The following NECAB3 variants were observed in gnomAD, a reference collection of about 807,000 sequenced individuals.
NECAB3 encodes N-terminal EF-hand calcium binding protein 3, also known as N-terminal EF-hand calcium-binding protein 3.
A neutral mutation model predicts 57.2 loss-of-function variants in NECAB3; 38 were observed. The observed-to-expected ratio is 0.66, with a 90% CI of 0.51 to 0.87. NECAB3 has a LOEUF of 0.87. NECAB3 is among the 40% of genes least tolerant of loss of function. The pLI is 0.00. For synonymous variants in NECAB3, 223 were observed against 222.6 expected, an observed-to-expected ratio of 1.00 and a Z score of -0.02; for missense variants, 474 against 527.5, an observed-to-expected ratio of 0.90 and a Z score of 0.99.
chr20:33,675,156 G>A (rs3213183), upstream of NECAB3: 44,143 of 151,806 alleles, frequency 0.29, 6,595 homozygotes, highest in East Asian at 0.37. Context: ...TCTGCTTGGT[G>A]TTTTCTTCCT....
At chr20:33,658,612 C>T (rs1227042845) in intron 9 of NECAB3, 58 bp from the exon 10 acceptor site, 14 of 1,605,646 alleles carry the variant, frequency 8.7e-6, no homozygotes, top group East Asian at 2.2e-5. Flanking sequence ...TCTGCCTCCC[C>T]GGCCTGGGGC....
At chr20:33,670,477 T>G in intron 3 of NECAB3, 1 of 453,098 alleles carries the variant, frequency 2.2e-6, no homozygotes, top group Non-Finnish European at 3.9e-6. Context: ...GACTTGGCTA[T>G]TTTGGGGTCC....
intron 5 of NECAB3, chr20:33,661,989 G>T: frequency 5.6e-6 from 1 of 177,626 alleles, no homozygotes; most frequent in South Asian, 1.2e-4. Context: ...AACCATAATT[G>T]ACCCCATTTT....
At chr20:33,673,453 A>C (rs544438828) in intron 1 of NECAB3, among the ~76,000 whole-genome samples, 66 of 152,276 alleles carry the variant, frequency 4.3e-4, no homozygotes, top group Non-Finnish European at 7.8e-4. Flanking sequence ...GGGAGTGGGC[A>C]GGGGTGCTAA....
chr20:33,667,567 G>A (rs1157709686), intron 5 of NECAB3: 3 of 1,554,390 alleles, frequency 1.9e-6, no homozygotes, highest in African/African-American at 2.7e-5. Flanking sequence ...GGAGGCGGGC[G>A]CGGGCGTGTG....
At chr20:33,661,071 G>A (rs1407209576) in intron 5 of NECAB3, among the ~76,000 whole-genome samples, 2 of 152,316 alleles carry the variant, frequency 1.3e-5, no homozygotes, top group East Asian at 3.9e-4. Flanking sequence ...AGTTCCTGGA[G>A]CTTCCATTTC....
At chr20:33,672,122 C>T (rs2017840329) in intron 2 of NECAB3, 2 of 534,984 alleles carry the variant, frequency 3.7e-6, no homozygotes, top group Non-Finnish European at 6.8e-6. Context: ...CAGAGGGCCA[C>T]GTACAGGAAG....
intron 5 of NECAB3, chr20:33,667,566 C>A: frequency 6.4e-7 from 1 of 1,554,200 alleles, no homozygotes; most frequent in Non-Finnish European, 8.7e-7. Flanking sequence ...TGGAGGCGGG[C>A]GCGGGCGTGT....
At chr20:33,668,430 C>A in intron 5 of NECAB3, 2 of 687,614 alleles carry the variant, frequency 2.9e-6, no homozygotes, top group Non-Finnish European at 4.4e-6. Flanking sequence ...TGAATCTCCC[C>A]AACCACTGCC....
chr20:33,665,506 G>A (rs925704118), intron 5 of NECAB3: 4 of 152,222 alleles, frequency 2.6e-5, no homozygotes, highest in African/African-American at 9.7e-5. Flanking sequence ...CACATCCTGG[G>A]TTCCCCACAG....
chr20:33,667,538 C>A (rs775794908), intron 5 of NECAB3: 1 of 1,543,430 alleles, frequency 6.5e-7, no homozygotes, highest in Non-Finnish European at 8.7e-7. Context: ...TCCACCGGCG[C>A]GTTCAGCGGG....
intron 5 of NECAB3, chr20:33,667,304 AC>A: frequency 1.5e-6 from 1 of 655,188 alleles, no homozygotes; most frequent in East Asian, 3.5e-5. Context: ...GCGCGGGCGC[AC>A]CCCATCAAGC....
chr20:33,666,936 A>AG (rs979044303), intron 5 of NECAB3: 11 of 153,000 alleles, frequency 7.2e-5, no homozygotes, highest in African/African-American at 2.4e-4. Flanking sequence ...GATTTGGTCC[A>AG]GAAGAGGAAG....
In NECAB3 at chr20:33,657,614, G is replaced by C. The variant is rs1413942587; in HGVS notation, c.*215C>G. ...CAGGCAGAAGCCAAAGTAGCTTGGA[G>C]GCTGAAGTGACAAACAATAAAATAC... On this transcript the variant is annotated 3_prime_UTR_variant, in exon 12 of 12. Coordinates refer to ENST00000246190, the MANE Select transcript of NECAB3 (RefSeq NM_031232.4). 2 of 500,936 alleles carry C rather than the reference G, an allele frequency of 4.0e-6. No homozygotes were observed. The highest frequency in any genetic ancestry group is 6.6e-5 in the East Asian group (2 of 30,278). The allele number at this position is 500,936 out of a possible 1,614,324, so 31.0% of individuals were successfully genotyped here. A position where few individuals can be genotyped will look rare whatever the true frequency, so the allele number is the denominator to read the frequency against.
chr20:33,668,131 G>T (rs753786823), intron 5 of NECAB3: 1 of 1,611,120 alleles, frequency 6.2e-7, no homozygotes, highest in South Asian at 1.1e-5. Context: ...TGTGTGGACC[G>T]GCGGCTCCAT....
intron 2 of NECAB3, chr20:33,672,160 T>C (rs932680545): frequency 8.6e-6 from 5 of 580,494 alleles, no homozygotes; most frequent in Non-Finnish European, 1.2e-5. Context: ...GGGTGCTGTG[T>C]GAAAGTCAGC....
intron 1 of NECAB3, among the ~76,000 whole-genome samples, chr20:33,673,817 C>T (rs893157605): frequency 6.6e-6 from 1 of 152,172 alleles, no homozygotes; most frequent in Non-Finnish European, 1.5e-5. Flanking sequence ...TAGGACTCTG[C>T]TGCCCTGGAG....
chr20:33,657,461 G>A lies in NECAB3; in HGVS notation c.*368C>T, dbSNP rs2017321659. The stretch of plus-strand genomic sequence containing the variant: ...GGAGCAGAAGCCTGGTCCCAAGACA[G>A]CAGGAAGAAAGCAGGACCCTCGCTA... On this transcript the variant is annotated 3_prime_UTR_variant, in exon 12 of 12. Transcript: ENST00000246190. 1 of 269,434 alleles carries A rather than the reference G, an allele frequency of 3.7e-6. No individual in the cohort carries two copies. Among genetic ancestry groups the A allele is most frequent in the Non-Finnish European group, 6.9e-6 (1 of 145,240 alleles). 16.7% of individuals were successfully genotyped at this position (269,434 alleles called of 1,614,324 possible). A position where few individuals can be genotyped will look rare whatever the true frequency, so the allele number is the denominator to read the frequency against.
At chr20:33,673,821 C>T (rs1011516524) in intron 1 of NECAB3, among the ~76,000 whole-genome samples, 1 of 152,140 alleles carries the variant, frequency 6.6e-6, no homozygotes, top group Non-Finnish European at 1.5e-5. Context: ...ACTCTGCTGC[C>T]CTGGAGTGGG....
Sources: allele counts gnomAD v4.1 joint callset (sites outside exome capture counted in the v4.1 genomes callset), GRCh38; gene constraint gnomAD v4.1.1; transcripts MANE v1.5; gene names NCBI Gene and HGNC (gene_info 2026-07-23, HGNC 2026-07-21).